The following ATP6V1C1 variants were observed in gnomAD, a reference collection of about 807,000 sequenced individuals.
ATP6V1C1 encodes V-type proton ATPase subunit C 1.
In ATP6V1C1, 45 loss-of-function variants were observed where a neutral mutation model predicts 53.9. The ratio of observed to expected loss-of-function variants is 0.83; its 90% CI spans 0.66 to 1.07. The LOEUF (loss-of-function observed/expected upper bound fraction) is 1.07, where lower values mean the gene tolerates loss of function less well. ATP6V1C1 is among the 50% of genes least tolerant of loss of function. The pLI is 0.00. For missense variants in ATP6V1C1, 315 were observed against 440.3 expected (o/e 0.72, Z 2.55); for synonymous variants, 153 against 155.2 (o/e 0.99, Z 0.11).
chr8:103,043,319 CTTTGTTTTT>C (rs61310037), intron 3 of ATP6V1C1, among the ~76,000 whole-genome samples: 39,623 of 151,530 alleles, frequency 0.26, 5,956 homozygotes, highest in Admixed American at 0.39. Context: ...GAGATAATAT[CTTTGTTTTT>C]TTTGTTTTTT....
chr8:103,030,398 G>GTGAATAAT (rs1293643065), intron 1 of ATP6V1C1, among the ~76,000 whole-genome samples: 1 of 152,132 alleles, frequency 6.6e-6, no homozygotes. Flanking sequence ...CCGAACACTC[G>GTGAATAAT]TGAATAATAC....
chr8:103,047,080 CAT>C (rs1387545209), intron 3 of ATP6V1C1, among the ~76,000 whole-genome samples: 1 of 152,164 alleles, frequency 6.6e-6, no homozygotes, highest in Non-Finnish European at 1.5e-5. Context: ...ATTTTGGAGA[CAT>C]AGGCAAGTAT....
chr8:103,053,681 A>G lies in ATP6V1C1; in HGVS notation c.474-203A>G, dbSNP rs140087760. Among the ~76,000 whole-genome samples the G allele has an allele frequency of 2.0e-5, 3 of 152,082 alleles. No homozygotes were observed. The East Asian group carries it at 5.8e-4, about 29-fold the overall frequency. ...AGCAAACACAAAACACTAGAGGCAA[A>G]TTTTGGTAGAAGATATTTCGTTGGT... is the stretch of plus-strand genomic sequence containing the variant. On this transcript the variant is annotated intron_variant, in intron 6 of 12. Coordinates refer to ENST00000518738, the MANE Select transcript of ATP6V1C1 (RefSeq NM_001695.5).
In ATP6V1C1 at chr8:103,040,283, G is replaced by A. The variant is rs537252950; in HGVS notation, c.-39-515G>A. ...ACAAAAATTAGCTGGGTGTGATGGT[G>A]CATGGCTGTAATCCCAGCTACTCAG... On this transcript the variant is annotated intron_variant, in intron 1 of 12. Coordinates refer to ENST00000518738, the MANE Select transcript of ATP6V1C1 (RefSeq NM_001695.5). 2.7e-4 allele frequency among the ~76,000 whole-genome samples: 41 copies of A among 152,052 alleles called. No individual in the cohort carries two copies. In the East Asian group the frequency reaches 6.6e-3, roughly 24 times the overall value.
chr8:103,031,282 A>G (rs920940020), intron 1 of ATP6V1C1, among the ~76,000 whole-genome samples: 2 of 152,226 alleles, frequency 1.3e-5, no homozygotes, highest in Non-Finnish European at 2.9e-5. Flanking sequence ...AAACTACAAG[A>G]TACAGCAAGA....
At chr8:103,021,886 A>G (rs1414265742) in intron 1 of ATP6V1C1, among the ~76,000 whole-genome samples, 2 of 152,198 alleles carry the variant, frequency 1.3e-5, no homozygotes, top group Non-Finnish European at 2.9e-5. Context: ...CTTGAGAAAC[A>G]GGAGTAAGGG....
intron 3 of ATP6V1C1, among the ~76,000 whole-genome samples, chr8:103,046,192 T>G (rs1192346139): frequency 2.0e-5 from 3 of 152,138 alleles, no homozygotes; most frequent in Admixed American, 1.3e-4. Context: ...ATTTAAAGTT[T>G]GCTCAGATTT....
intron 1 of ATP6V1C1, among the ~76,000 whole-genome samples, chr8:103,029,676 A>G (rs972846596): frequency 1.3e-5 from 2 of 152,120 alleles, no homozygotes; most frequent in African/African-American, 4.8e-5. Context: ...TATATTTTAG[A>G]TATTTTATTA....
At chr8:103,030,179 C>T (rs1816772645) in intron 1 of ATP6V1C1, among the ~76,000 whole-genome samples, 1 of 151,532 alleles carries the variant, frequency 6.6e-6, no homozygotes, top group African/African-American at 2.4e-5. Flanking sequence ...GAACATTTTT[C>T]CTTGTTAGTA....
intron 1 of ATP6V1C1, among the ~76,000 whole-genome samples, chr8:103,036,733 T>A (rs1400865772): frequency 6.6e-6 from 1 of 152,178 alleles, no homozygotes; most frequent in Admixed American, 6.5e-5. Flanking sequence ...GAAAAGATTT[T>A]CTGGAACTCT....
chr8:103,050,334 A>G (rs1209959514), intron 4 of ATP6V1C1, among the ~76,000 whole-genome samples: 1 of 152,182 alleles, frequency 6.6e-6, no homozygotes, highest in Non-Finnish European at 1.5e-5. Context: ...GTGCATCTAG[A>G]TAGAGTTGCT....
At chr8:103,054,213 T>G (rs1358006165) in intron 7 of ATP6V1C1, among the ~76,000 whole-genome samples, 1 of 152,062 alleles carries the variant, frequency 6.6e-6, no homozygotes, top group East Asian at 1.9e-4. Flanking sequence ...ATTTAGCAGC[T>G]TGGTAGAATT....
rs1333782522 is a variant in ATP6V1C1, at chr8:103,070,216, C to T, written c.*1469C>T. On this transcript the variant is annotated 3_prime_UTR_variant, in exon 13 of 13. Transcript: ENST00000518738. The stretch of plus-strand genomic sequence containing the variant: ...GAGTGTCTGTCATCATGTGTTTAGC[C>T]GAGTGGATGGATAGTCTGCTTGTTT... The T allele has an allele frequency of 6.6e-6, 1 of 152,200 alleles. No homozygotes were observed. The highest frequency in any genetic ancestry group is 1.5e-5 in the Non-Finnish European group (1 of 68,040). 9.4% of individuals were successfully genotyped at this position (152,200 alleles called of 1,614,324 possible).
chr8:103,047,391 A>C (rs1817116545), intron 3 of ATP6V1C1, among the ~76,000 whole-genome samples: 1 of 142,648 alleles, frequency 7.0e-6, no homozygotes, highest in African/African-American at 2.6e-5. Flanking sequence ...TGGGCAGTAG[A>C]GTGAGACTCT....
chr8:103,045,924 G>C (rs1817088708), intron 3 of ATP6V1C1, among the ~76,000 whole-genome samples: 1 of 151,658 alleles, frequency 6.6e-6, no homozygotes, highest in South Asian at 2.1e-4. Context: ...CTGGGTGACA[G>C]AGCGTGACTC....
chr8:103,056,011 T>C (rs1817284391), intron 8 of ATP6V1C1, 75 bp downstream of exon 8: 2 of 1,417,492 alleles, frequency 1.4e-6, no homozygotes, highest in Non-Finnish European at 2.0e-6. Context: ...TTAGGAAATA[T>C]GTTTGCTGTC....
rs373283398 is a variant in ATP6V1C1 at position 103,044,262 on chromosome 8, T to C, written c.200+1855T>C. Among the ~76,000 whole-genome samples, 11 of 152,352 alleles carry C rather than the reference T, an allele frequency of 7.2e-5. No homozygotes were observed. In the South Asian group the frequency reaches 2.3e-3, roughly 32 times the overall value. On this transcript the variant is annotated intron_variant, in intron 3 of 12. Coordinates refer to ENST00000518738, the MANE Select transcript of ATP6V1C1 (RefSeq NM_001695.5). ...TGAAGTCCAATTTATTTTTTTCTTT[T>C]GTTGCTTGTGTTTTTGGCATCATAT...
chr8:103,047,418 A>G (rs1035195906), intron 3 of ATP6V1C1, among the ~76,000 whole-genome samples: 4 of 119,246 alleles, frequency 3.4e-5, no homozygotes, highest in Non-Finnish European at 7.2e-5. Context: ...AAAAAAAAAA[A>G]AAAATGCGCG....
chr8:103,059,577 A>G (rs556438662), intron 8 of ATP6V1C1, among the ~76,000 whole-genome samples: 1 of 129,368 alleles, frequency 7.7e-6, no homozygotes, highest in African/African-American at 3.0e-5. Flanking sequence ...TCCACCTTCC[A>G]TAGTATTTGG....
Sources: allele counts gnomAD v4.1 joint callset (sites outside exome capture counted in the v4.1 genomes callset), GRCh38; gene constraint gnomAD v4.1.1; transcripts MANE v1.5; gene names NCBI Gene and HGNC (gene_info 2026-07-23, HGNC 2026-07-21).